Variants in SPATA31A1 observed in about 807,000 individuals in gnomAD.
The protein encoded by SPATA31A1 is spermatogenesis-associated protein 31A1.
For synonymous variants in SPATA31A1, 194 were observed against 573.4 expected (o/e 0.34, Z 9.45); for missense variants, 579 against 1,476.3 (o/e 0.39, Z 9.96).
rs1039315954 is a variant in SPATA31A1, at chr9:39,361,816, C to T, written c.*7C>T. On this transcript the variant is annotated 3_prime_UTR_variant, in exon 4 of 4. Transcript: ENST00000377647. ...TCTTTGGGAAGGTATCTGATTTGGT[C>T]AGTCACAAATTCTTTTTTAGCCTTC... 96 of 1,609,844 alleles carry T rather than the reference C, an allele frequency of 6.0e-5. No individual in the cohort carries two copies. In the Admixed American group the frequency reaches 1.6e-3, roughly 27 times the overall value.
Position 39,361,326 on chromosome 9 carries a change from T to C in SPATA31A1, c.3561T>C (p.Ala1187=), listed in dbSNP as rs1230440896. 3.7e-6 allele frequency: 6 copies of C among 1,613,448 alleles called. No individual in the cohort carries two copies. In the African/African-American group the frequency reaches 6.7e-5, roughly 18 times the overall value. ...KKKSKPAPVT[A]ESQKTVKNRS... ...AAAGCAAGCCAGCACCAGTCACTGC[T>C]GAGAGCCAAAAAACAGTGAAAAACA... The change falls in exon 4 of 4, where the codon GCT becomes GCC. Residue 1187 remains alanine (A), a synonymous_variant. Transcript: ENST00000377647.
chr9:39,358,771 G>A lies in SPATA31A1; in HGVS notation c.1006G>A (p.Ala336Thr), dbSNP rs1823391103. Residue 336 changes from alanine (A) to threonine (T), a missense_variant, in exon 4 of 4, where the codon GCC (alanine) becomes ACC (threonine). Transcript: ENST00000377647. ...NAVGIQVTETAKVNIWEEKEN... is the reference protein window; with the variant it reads ...NAVGIQVTETTKVNIWEEKEN... The stretch of plus-strand genomic sequence containing the variant: ...CGTGGGGATACAAGTCACAGAAACA[G>A]CCAAGGTCAACATTTGGGAAGAAAA... 3.1e-6 allele frequency: 5 copies of A among 1,601,306 alleles called. No individual in the cohort carries two copies. In the South Asian group the frequency reaches 5.5e-5, roughly 18 times the overall value.
In SPATA31A1 at chr9:39,355,805, G is replaced by A; in HGVS notation, c.75G>A (p.Val25=). The A allele has an allele frequency of 5.5e-6, 2 of 360,936 alleles. No homozygotes were observed. Among genetic ancestry groups the A allele is most frequent in the Non-Finnish European group, 4.2e-6 (1 of 240,460 alleles). The allele number at this position is 360,936 out of a possible 1,614,324, so 22.4% of individuals were successfully genotyped here. ...ACGCCCCCAGTTCCACACCATGGGT[G>A]TTGGATATCTTCCTCACTTTGGTGT... ...SLNAPSSTPW[V]LDIFLTLVFA... Residue 25 remains valine, a synonymous_variant, in exon 1 of 4, where the codon GTG becomes GTA. Transcript: ENST00000377647.
In SPATA31A1 at chr9:39,358,799, A is replaced by C; in HGVS notation, c.1034A>C (p.Glu345Ala). The C allele has an allele frequency of 1.9e-6, 3 of 1,598,692 alleles. No homozygotes were observed. Among genetic ancestry groups the C allele is most frequent in the Non-Finnish European group, 2.5e-6 (3 of 1,179,762 alleles). The change falls in exon 4 of 4, where the codon GAA becomes GCA. Residue 345 changes from glutamate to alanine, a missense_variant. Physicochemically the swap from Glu to Ala is moderately radical, Grantham distance 107. Coordinates refer to ENST00000377647, the MANE Select transcript of SPATA31A1 (RefSeq NM_001085452.4). Reference protein sequence around the residue: ...TAKVNIWEEKENVGSFTDRMT... With the variant: ...TAKVNIWEEKANVGSFTDRMT... ...AAGGTCAACATTTGGGAAGAAAAAG[A>C]AAATGTTGGATCATTTACAGATCGA...
In SPATA31A1 at chr9:39,357,704, T is replaced by A. The variant is rs1462016958; in HGVS notation, c.248-54T>A. ...CTAAAGAAACAGCCACTCAGCCTCC[T>A]GTGAGAACCCAGGCCCCTCCCTCAC... On this transcript the variant is annotated intron_variant, in intron 2 of 3. Coordinates refer to ENST00000377647, the MANE Select transcript of SPATA31A1 (RefSeq NM_001085452.4). The A allele has an allele frequency of 2.9e-6, 4 of 1,402,308 alleles. No homozygotes were observed. The South Asian group carries it at 3.5e-5, about 12-fold the overall frequency. 86.9% of individuals were successfully genotyped at this position (1,402,308 alleles called of 1,614,324 possible). A position where few individuals can be genotyped will look rare whatever the true frequency, so the allele number is the denominator to read the frequency against.
At position 39,361,882 on chromosome 9, in the gene SPATA31A1, G is replaced by C; in HGVS notation, c.*73G>C. On this transcript the variant is annotated 3_prime_UTR_variant, in exon 4 of 4. Transcript: ENST00000377647. ...GTCCCCAAGAAAAAATTCACTCTAT[G>C]TAGAGAAAAAATATTTTCTCTCATG... is the stretch of plus-strand genomic sequence containing the variant. 2 of 1,589,286 alleles carry C rather than the reference G, an allele frequency of 1.3e-6. No homozygotes were observed. The highest frequency in any genetic ancestry group is 2.3e-5 in the South Asian group (2 of 87,574).
At position 39,359,167 on chromosome 9, in the gene SPATA31A1, C is replaced by A; in HGVS notation, c.1402C>A (p.Gln468Lys). 1 of 1,611,838 alleles carries A rather than the reference C, an allele frequency of 6.2e-7. No individual in the cohort carries two copies. Among genetic ancestry groups the A allele is most frequent in the Non-Finnish European group, 8.5e-7 (1 of 1,179,858 alleles). ...GACTACAATGTCCCCACTGCTTTTC[C>A]AGGCCCAGCCCCCGTCCCATCTGGG... ...RETTMSPLLF[Q>K]AQPPSHLGPE... Residue 468 changes from glutamine (Q) to lysine (K), a missense_variant, in exon 4 of 4, where the codon CAG becomes AAG. Transcript: ENST00000377647.
chr9:39,359,115 G>A lies in SPATA31A1; in HGVS notation c.1350G>A (p.Met450Ile). 6.2e-7 allele frequency: 1 copy of A among 1,611,016 alleles called. No individual in the cohort carries two copies. The change falls in exon 4 of 4, where the codon ATG becomes ATA. Residue 450 changes from methionine (M) to isoleucine (I), a missense_variant. Met to Ile is a conservative substitution (Grantham distance 10). Transcript: ENST00000377647. ...CTCCTCCTTTCTTGTTCAATGAAAT[G>A]TCCAATGTCTGCCCAATTCAAAGGG... is the stretch of plus-strand genomic sequence containing the variant. ...LQSPPFLFNE[M>I]SNVCPIQRET... is the part of the protein sequence containing the mutation.
At position 39,361,215 on chromosome 9, in the gene SPATA31A1, A is replaced by G; in HGVS notation, c.3450A>G (p.Leu1150=). The G allele has an allele frequency of 6.2e-7, 1 of 1,611,614 alleles. No homozygotes were observed. The highest frequency in any genetic ancestry group is 8.5e-7 in the Non-Finnish European group (1 of 1,179,814). Residue 1150 remains leucine (L), a synonymous_variant, in exon 4 of 4, where the codon CTA becomes CTG. Transcript: ENST00000377647. ...CCCATCAGGATGAAGGCGTCCAGCT[A>G]CTGCCATCAAAGAAACAGCCTCCTT... The part of the protein sequence containing the change: ...EDTHQDEGVQ[L]LPSKKQPPSV...
At chr9:39,357,530 T>C in intron 2 of SPATA31A1, 2 of 602,120 alleles carry the variant, frequency 3.3e-6, no homozygotes, top group South Asian at 2.0e-5. Context: ...ACAGGGCAGT[T>C]GTGAGGACTG....
chr9:39,355,946 A>G, intron 1 of SPATA31A1, 27 bp downstream of exon 1: 1 of 181,994 alleles, frequency 5.5e-6, no homozygotes, highest in Non-Finnish European at 8.8e-6. Flanking sequence ...CCCAACCCAC[A>G]GAGCTTGATT....
At position 39,359,811 on chromosome 9, in the gene SPATA31A1, A is replaced by C; in HGVS notation, c.2046A>C (p.Leu682=). The C allele has an allele frequency of 6.2e-7, 1 of 1,611,076 alleles. No homozygotes were observed. Among genetic ancestry groups the C allele is most frequent in the Admixed American group, 1.7e-5 (1 of 59,960 alleles). The change falls in exon 4 of 4, where the codon CTA becomes CTC. Residue 682 remains leucine (L), a synonymous_variant. Coordinates refer to ENST00000377647, the MANE Select transcript of SPATA31A1 (RefSeq NM_001085452.4). ...GQILGETPQN[L]SRDMKSFPRK... ...TTCTGGGTGAGACCCCACAAAATCT[A>C]TCCAGGGACATGAAAAGCTTCCCAC...
Position 39,361,873 on chromosome 9 carries a change from T to A in SPATA31A1, c.*64T>A. 1 of 1,605,082 alleles carries A rather than the reference T, an allele frequency of 6.2e-7. No homozygotes were observed. Among genetic ancestry groups the A allele is most frequent in the Non-Finnish European group, 8.5e-7 (1 of 1,178,170 alleles). ...GAAAAAGAAGTCCCCAAGAAAAAAT[T>A]CACTCTATGTAGAGAAAAAATATTT... On this transcript the variant is annotated 3_prime_UTR_variant, in exon 4 of 4. Coordinates refer to ENST00000377647, the MANE Select transcript of SPATA31A1 (RefSeq NM_001085452.4).
At position 39,361,445 on chromosome 9, in the gene SPATA31A1, G is replaced by T; in HGVS notation, c.3680G>T (p.Arg1227Leu). Residue 1227 changes from arginine (R) to leucine (L), a missense_variant, in exon 4 of 4, where the codon CGC becomes CTC. Physicochemically the swap from Arg to Leu is moderately radical, Grantham distance 102. Transcript: ENST00000377647. The stretch of plus-strand genomic sequence containing the variant: ...GAGAAAATGTCACTTTGCCATGCGC[G>T]CCATGCCTCGAAGGTAAATCAGCAC... ...LDEKMSLCHARHASKVNQHKQ... is the reference protein window; with the variant it reads ...LDEKMSLCHALHASKVNQHKQ... The T allele has an allele frequency of 1.9e-6, 3 of 1,611,624 alleles. No homozygotes were observed. Among genetic ancestry groups the T allele is most frequent in the Non-Finnish European group, 2.5e-6 (3 of 1,178,976 alleles).
At position 39,359,196 on chromosome 9, in the gene SPATA31A1, C is replaced by G. The variant is rs1487417707; in HGVS notation, c.1431C>G (p.Pro477=). The G allele has an allele frequency of 1.6e-5, 25 of 1,611,792 alleles. No individual in the cohort carries two copies. The highest frequency in any genetic ancestry group is 1.3e-4 in the Admixed American group (8 of 59,998). ...CCCAGCCCCCGTCCCATCTGGGGCC[C>G]GAGTGCCAACCCTTTATTTCATCCA... ...FQAQPPSHLG[P]ECQPFISSTP... The change falls in exon 4 of 4, where the codon CCC becomes CCG. Residue 477 remains proline, a synonymous_variant. Transcript: ENST00000377647.
rs1165572868 is a variant in SPATA31A1, at chr9:39,356,512, G to A, written c.189+593G>A. Among the ~76,000 whole-genome samples the A allele has an allele frequency of 6.8e-4, 95 of 140,724 alleles. 4 individuals carry two copies. In the East Asian group the frequency reaches 0.014, roughly 21 times the overall value. The allele number at this position is 140,724 out of a possible 152,430, so 92.3% of individuals were successfully genotyped here. ...TGTGTGTGTGTGTGTGTGTGTGTGT[G>A]TATTTTTATTTTATTTGTGTGTGTT... is the stretch of plus-strand genomic sequence containing the variant. On this transcript the variant is annotated intron_variant, in intron 1 of 3. Transcript: ENST00000377647.
intron 2 of SPATA31A1, 85 bp from the exon 3 acceptor site, chr9:39,357,673 T>C: frequency 8.2e-6 from 13 of 1,588,078 alleles, no homozygotes; most frequent in Non-Finnish European, 1.0e-5. Flanking sequence ...TTCCCCATGG[T>C]CCTCCCTAAA....
Position 39,358,269 on chromosome 9 carries a change from C to T in SPATA31A1, c.504C>T (p.Thr168=). 6.5e-7 allele frequency: 1 copy of T among 1,549,550 alleles called. No homozygotes were observed. The highest frequency in any genetic ancestry group is 2.3e-5 in the East Asian group (1 of 43,164). ...QAKHPQDLAS[T]PSPGPMTTSV... is the part of the protein sequence containing the mutation. ...AGCATCCTCAGGATCTGGCCTCCAC[C>T]CCATCACCAGGCCCAATGACCACCT... The change falls in exon 4 of 4, where the codon ACC becomes ACT. Residue 168 remains threonine (T), a synonymous_variant. Transcript: ENST00000377647.
In SPATA31A1 at chr9:39,361,409, A is replaced by G. The variant is rs1203574080; in HGVS notation, c.3644A>G (p.Gln1215Arg). 6.2e-7 allele frequency: 1 copy of G among 1,613,654 alleles called. No homozygotes were observed. Among genetic ancestry groups the G allele is most frequent in the East Asian group, 2.2e-5 (1 of 44,876 alleles). ...CAGGGTCTCATGACGGCAGTTGGAC[A>G]AATGCTGGACGAGAAAATGTCACTT... The part of the protein sequence containing the change: ...EAQGLMTAVG[Q>R]MLDEKMSLCH... Residue 1215 changes from glutamine to arginine, a missense_variant, in exon 4 of 4, where the codon CAA becomes CGA. By Grantham distance (43) the Gln-to-Arg change is conservative (BLOSUM62 1). Transcript: ENST00000377647.
Sources: gnomAD v4.1 joint callset for allele counts (sites outside exome capture counted in the v4.1 genomes callset) on GRCh38, gnomAD v4.1.1 for gene constraint, MANE v1.5 for transcripts, NCBI Gene and HGNC (gene_info 2026-07-23, HGNC 2026-07-21) for gene names.